MYO1B: variants seen among roughly 807,000 people sequenced by gnomAD.
MYO1B encodes myosin IB, also known as unconventional myosin-Ib.
MYO1B carries 72 observed loss-of-function variants against 159.7 expected under a neutral mutation model. The ratio of observed to expected loss-of-function variants is 0.45; its 90% CI spans 0.37 to 0.55. The LOEUF (loss-of-function observed/expected upper bound fraction) is 0.55. MYO1B is among the 20% of genes least tolerant of loss of function. The pLI is 0.00. For synonymous variants in MYO1B, 468 were observed against 473.8 expected, an observed-to-expected ratio of 0.99 and a Z score of 0.16; for missense variants, 1,062 against 1,364.8, an observed-to-expected ratio of 0.78 and a Z score of 3.50.
At chr2:191,341,664 GGGAAGAGGAA>G (rs1279590713) in intron 5 of MYO1B, 99 bp downstream of exon 5, 1 of 911,382 alleles carries the variant, frequency 1.1e-6, no homozygotes, top group Non-Finnish European at 1.7e-6. Flanking sequence ...TATTCTGGGA[GGGAAGAGGAA>G]GGAAGAGATT....
chr2:191,286,154 A>G (rs189879423), intron 2 of MYO1B, among the ~76,000 whole-genome samples: 14 of 152,314 alleles, frequency 9.2e-5, no homozygotes, highest in African/African-American at 2.4e-4. Flanking sequence ...ATGCATCACA[A>G]ATATGTTTCT....
At chr2:191,253,149 G>T (rs923125847) in intron 1 of MYO1B, among the ~76,000 whole-genome samples, 22 of 152,294 alleles carry the variant, frequency 1.4e-4, no homozygotes, top group African/African-American at 5.3e-4. Context: ...GTACATGTTA[G>T]AATAGCTGGT....
chr2:191,356,316 AATAC>A (rs1414897016), intron 7 of MYO1B, among the ~76,000 whole-genome samples: 1 of 150,784 alleles, frequency 6.6e-6, no homozygotes, highest in Non-Finnish European at 1.5e-5. Flanking sequence ...CCTAATTTAT[AATAC>A]ATACAAGGCT....
intron 3 of MYO1B, among the ~76,000 whole-genome samples, chr2:191,323,110 T>G (rs193277141): frequency 4.3e-4 from 65 of 152,316 alleles, no homozygotes; most frequent in African/African-American, 1.4e-3. Context: ...ATTGTCATGG[T>G]GCTGGTGGGA....
At chr2:191,266,963 A>G (rs545766315) in intron 1 of MYO1B, among the ~76,000 whole-genome samples, 1 of 152,178 alleles carries the variant, frequency 6.6e-6, no homozygotes, top group East Asian at 1.9e-4. Flanking sequence ...GTCCTTAATC[A>G]CTGGCCTGTG....
intron 6 of MYO1B, among the ~76,000 whole-genome samples, chr2:191,347,689 A>G (rs1692654539): frequency 6.6e-6 from 1 of 152,204 alleles, no homozygotes; most frequent in Non-Finnish European, 1.5e-5. Context: ...ATACCTGATT[A>G]TGGGCTAAAT....
intron 17 of MYO1B, among the ~76,000 whole-genome samples, chr2:191,389,691 G>T (rs922091868): frequency 1.3e-5 from 2 of 152,190 alleles, no homozygotes; most frequent in Admixed American, 6.5e-5. Context: ...GCAGCAAAGT[G>T]CCCTGTTAAG....
At chr2:191,359,610 C>T (rs1375638150) in intron 7 of MYO1B, among the ~76,000 whole-genome samples, 2 of 152,126 alleles carry the variant, frequency 1.3e-5, no homozygotes, top group Non-Finnish European at 2.9e-5. Flanking sequence ...TCCACAAATG[C>T]TGGTGTAGGT....
intron 9 of MYO1B, among the ~76,000 whole-genome samples, chr2:191,362,591 A>G (rs1247549511): frequency 1.3e-5 from 2 of 152,200 alleles, no homozygotes; most frequent in Non-Finnish European, 2.9e-5. Flanking sequence ...TGATTTTACC[A>G]TTTATCATAA....
At chr2:191,292,297 T>C (rs1016864710) in intron 2 of MYO1B, among the ~76,000 whole-genome samples, 1 of 152,184 alleles carries the variant, frequency 6.6e-6, no homozygotes. Context: ...ATGCCAAATA[T>C]GAGTGAGCAT....
At chr2:191,422,542 T>A (rs900150758) in intron 30 of MYO1B, among the ~76,000 whole-genome samples, 5 of 152,186 alleles carry the variant, frequency 3.3e-5, no homozygotes, top group African/African-American at 7.2e-5. Flanking sequence ...ATGGATTTTT[T>A]AAATTTTTAT....
chr2:191,356,019 G>GTT (rs1416135208), intron 7 of MYO1B, among the ~76,000 whole-genome samples: 1 of 152,052 alleles, frequency 6.6e-6, no homozygotes, highest in Non-Finnish European at 1.5e-5. Context: ...ATGGAACGTG[G>GTT]TTTTACTCTT....
At chr2:191,404,245 C>T (rs1394346797) in intron 24 of MYO1B, among the ~76,000 whole-genome samples, 2 of 152,136 alleles carry the variant, frequency 1.3e-5, no homozygotes, top group Non-Finnish European at 2.9e-5. Context: ...CCCCAGGGGG[C>T]ACCATCGTAT....
chr2:191,282,524 A>G (rs1351598397), intron 2 of MYO1B, among the ~76,000 whole-genome samples: 1 of 151,936 alleles, frequency 6.6e-6, no homozygotes, highest in African/African-American at 2.4e-5. Flanking sequence ...TGCTTTTGGG[A>G]AAAAAAAATT....
Position 191,324,253 on chromosome 2 carries a change from G to A in MYO1B, c.252-5682G>A, listed in dbSNP as rs531360583. Among the ~76,000 whole-genome samples the A allele has an allele frequency of 6.6e-4, 100 of 151,890 alleles. 1 individual carries two copies. The South Asian group carries it at 0.013, about 20-fold the overall frequency. On this transcript the variant is annotated intron_variant, in intron 3 of 30. Transcript: ENST00000392318. Reference sequence around the variant, plus strand: ...TCCACTGACATTTAATGTAATATTCGACATGGTTGGATTTAATTTGTCATT... The same window carrying A: ...TCCACTGACATTTAATGTAATATTCAACATGGTTGGATTTAATTTGTCATT...
At chr2:191,379,069 A>C (rs770997596) in intron 13 of MYO1B, among the ~76,000 whole-genome samples, 1 of 152,208 alleles carries the variant, frequency 6.6e-6, no homozygotes, top group South Asian at 2.1e-4. Flanking sequence ...CACCACAGGA[A>C]GGTATTGTGG....
intron 2 of MYO1B, among the ~76,000 whole-genome samples, chr2:191,286,199 C>T (rs1346512966): frequency 6.6e-6 from 1 of 152,162 alleles, no homozygotes; most frequent in African/African-American, 2.4e-5. Context: ...CACTGAATTA[C>T]ATTTTTAAAA....
rs1695856798 is a variant in MYO1B, at chr2:191,393,140, A to T, written c.2144A>T (p.Tyr715Phe). Residue 715 changes from tyrosine to phenylalanine, a missense_variant, in exon 20 of 31, where the codon TAT becomes TTT. Tyr to Phe is a conservative substitution (Grantham distance 22). Around this residue, in one of 5 missense-constraint regions of MYO1B, gnomAD observed 609 missense variants for 744.4 expected, o/e 0.82. Coordinates refer to ENST00000392318, the MANE Select transcript of MYO1B (RefSeq NM_001130158.3). ...EDLATLIQKI[Y>F]RGWKCRTHFL... ...TTGGCCACTCTCATTCAGAAGATAT[A>T]TCGGGGGTGGAAATGCCGCACACAC... The T allele has an allele frequency of 1.9e-6, 3 of 1,614,114 alleles. No individual in the cohort carries two copies. Among genetic ancestry groups the T allele is most frequent in the South Asian group, 2.2e-5 (2 of 91,072 alleles).
chr2:191,311,850 A>G (rs911307379), intron 3 of MYO1B, among the ~76,000 whole-genome samples: 1 of 152,254 alleles, frequency 6.6e-6, no homozygotes, highest in Non-Finnish European at 1.5e-5. Context: ...GAATGTGGGT[A>G]TAGGGAAGGA....
Sources: allele counts gnomAD v4.1 joint callset (sites outside exome capture counted in the v4.1 genomes callset), GRCh38; gene constraint gnomAD v4.1.1; regional missense constraint gnomAD v4.1.1; transcripts MANE v1.5; gene names NCBI Gene and HGNC (gene_info 2026-07-23, HGNC 2026-07-21).